The following TET3 variants were observed in gnomAD, a reference collection of about 807,000 sequenced individuals.
TET3 encodes methylcytosine dioxygenase TET3.
In TET3, 19 loss-of-function variants were observed where a neutral mutation model predicts 141.4. The ratio of observed to expected loss-of-function variants is 0.13; its 90% CI spans 0.09 to 0.20. TET3 has a LOEUF of 0.20. Ranked by LOEUF, TET3 falls within the 10% of genes least tolerant of loss-of-function variation. The probability of loss-of-function intolerance (pLI) is 1.00; values close to 1 mark genes in which losing one functional copy is unlikely to be tolerated. For synonymous variants in TET3, 1,043 were observed against 980.9 expected (o/e 1.06, Z -1.18); for missense variants, 1,874 against 2,356.9 (o/e 0.80, Z 4.24).
At chr2:74,041,871 G>A (rs1253430266) in intron 3 of TET3, among the ~76,000 whole-genome samples, 1 of 152,122 alleles carries the variant, frequency 6.6e-6, no homozygotes, top group Admixed American at 6.5e-5. Flanking sequence ...CACAGATGTG[G>A]CTTGGGGCCT....
rs1690253515 is a variant in TET3 at position 74,087,972 on chromosome 2, A to G, written c.2822A>G (p.Gln941Arg). 7 of 1,558,944 alleles carry G rather than the reference A, an allele frequency of 4.5e-6. No homozygotes were observed. Among genetic ancestry groups the G allele is most frequent in the Non-Finnish European group, 6.1e-6 (7 of 1,151,346 alleles). ...IPRSLGDTLY[Q>R]ELTDTLRKYG... ...CGTAGCCTCGGAGACACCCTCTACC[A>G]GGAGCTCACCGACACCCTCCGGAAG... The change falls in exon 7 of 12, where the codon CAG becomes CGG. Residue 941 changes from glutamine to arginine, a missense_variant. Gln to Arg is a conservative substitution (Grantham distance 43, BLOSUM62 1). Around this residue, in one of 10 missense-constraint regions of TET3, gnomAD observed 126 missense variants for 327.4 expected, o/e 0.38. Transcript: ENST00000409262. The surrounding 1 kb of genome is among the most constrained non-coding windows in gnomAD (Gnocchi z 4.3).
intron 3 of TET3, among the ~76,000 whole-genome samples, chr2:74,036,886 T>C (rs562533576): frequency 2.0e-5 from 3 of 152,306 alleles, no homozygotes; most frequent in Admixed American, 1.3e-4. Flanking sequence ...TCAGCTTTTT[T>C]CTAAGTATCA....
At chr2:74,128,108 C>T in the TET3 span, among the ~76,000 whole-genome samples, 28 of 152,306 alleles carry the variant, frequency 1.8e-4, no homozygotes, top group African/African-American at 6.7e-4. Flanking sequence ...CCAAACCTCA[C>T]CTCAAACAGT....
chr2:74,132,088 T>C, the TET3 span, among the ~76,000 whole-genome samples: 1 of 152,172 alleles, frequency 6.6e-6, no homozygotes. Context: ...ACTTATCTTT[T>C]CCTCCAGTCA....
intron 4 of TET3, among the ~76,000 whole-genome samples, chr2:74,060,577 G>T (rs1411876422): frequency 2.0e-5 from 3 of 151,850 alleles, no homozygotes; most frequent in African/African-American, 7.3e-5. Flanking sequence ...CGCAGAGGGG[G>T]ATTTGGCAGG....
chr2:74,072,479 T>A (rs1689265685), intron 4 of TET3, among the ~76,000 whole-genome samples: 1 of 148,362 alleles, frequency 6.7e-6, no homozygotes, highest in Non-Finnish European at 1.5e-5. Flanking sequence ...GCCATTGCAC[T>A]CCAGCCTGGG....
intron 5 of TET3, among the ~76,000 whole-genome samples, chr2:74,079,982 G>C (rs1689715047): frequency 6.6e-6 from 1 of 152,202 alleles, no homozygotes; most frequent in South Asian, 2.1e-4. Context: ...GGGAACCTCA[G>C]AGCTGGCGTT....
intron 4 of TET3, among the ~76,000 whole-genome samples, chr2:74,061,607 A>C (rs1688577205): frequency 1.6e-5 from 2 of 126,698 alleles, no homozygotes; most frequent in African/African-American, 3.1e-5. Flanking sequence ...GACCCCCCCC[A>C]CCTCCCTCCC....
chr2:74,034,964 A>G (rs12328927), intron 3 of TET3, among the ~76,000 whole-genome samples: 51,082 of 150,186 alleles, frequency 0.34, 9,726 homozygotes, highest in African/African-American at 0.51. Context: ...GGCTGAGGCA[A>G]GCAGATCACG....
intron 3 of TET3, among the ~76,000 whole-genome samples, chr2:74,039,812 T>C (rs1687250487): frequency 6.6e-6 from 1 of 152,156 alleles, no homozygotes; most frequent in Admixed American, 6.5e-5. Context: ...ATGTGGCCTC[T>C]CCACATGGCC....
intron 4 of TET3, among the ~76,000 whole-genome samples, chr2:74,056,843 C>G (rs1024465067): frequency 3.9e-5 from 6 of 152,180 alleles, no homozygotes; most frequent in African/African-American, 1.4e-4. Flanking sequence ...CTCTCTGCCA[C>G]TTTGAGATCA....
the TET3 span, among the ~76,000 whole-genome samples, chr2:74,125,365 G>C: frequency 1.7e-3 from 256 of 152,294 alleles, no homozygotes; most frequent in Middle Eastern, 6.8e-3. Context: ...TGGCTGGATG[G>C]ATAACACCAT....
chr2:74,014,372 G>A (rs916614239), intron 3 of TET3, among the ~76,000 whole-genome samples: 2 of 151,958 alleles, frequency 1.3e-5, no homozygotes, highest in Non-Finnish European at 2.9e-5. Context: ...TGAGAATTCC[G>A]AGCCCCGATT....
At chr2:74,113,964 G>A in the TET3 span, among the ~76,000 whole-genome samples, 1 of 152,052 alleles carries the variant, frequency 6.6e-6, no homozygotes, top group Non-Finnish European at 1.5e-5. Context: ...CCTAAAATTT[G>A]TATGAAACTA....
chr2:74,020,809 C>T (rs1012201942), intron 3 of TET3, among the ~76,000 whole-genome samples: 1 of 152,212 alleles, frequency 6.6e-6, no homozygotes, highest in South Asian at 2.1e-4. Flanking sequence ...GGAGTGAGGA[C>T]GTGAGCTGAT....
At chr2:74,057,161 C>A (rs1161095534) in intron 4 of TET3, among the ~76,000 whole-genome samples, 1 of 152,206 alleles carries the variant, frequency 6.6e-6, no homozygotes, top group African/African-American at 2.4e-5. Context: ...AAAATATATG[C>A]TGAACCACCA....
At chr2:74,000,956 C>T (rs1289918109) in intron 2 of TET3, among the ~76,000 whole-genome samples, 1 of 152,086 alleles carries the variant, frequency 6.6e-6, no homozygotes, top group Non-Finnish European at 1.5e-5. Flanking sequence ...CTCTCCTATC[C>T]AGCAGCAGAC....
intron 4 of TET3, among the ~76,000 whole-genome samples, chr2:74,056,280 T>C (rs986133267): frequency 1.3e-5 from 2 of 152,218 alleles, no homozygotes; most frequent in African/African-American, 4.8e-5. Flanking sequence ...AAATTAAGCA[T>C]CTCTCTTTCT....
chr2:74,017,961 CTTTTTTTTTTT>C (rs35319685), intron 3 of TET3, among the ~76,000 whole-genome samples: 2 of 97,232 alleles, frequency 2.1e-5, no homozygotes, highest in Admixed American at 2.3e-4. Flanking sequence ...TCTTCTGTCT[CTTTTTTTTTTT>C]TTTTTTTTTT....
Sources: gnomAD v4.1 joint callset for allele counts (sites outside exome capture counted in the v4.1 genomes callset) on GRCh38, gnomAD v4.1.1 for gene constraint, gnomAD v4.1.1 regional missense constraint, Gnocchi (gnomAD v3.1) non-coding constraint, MANE v1.5 for transcripts, NCBI Gene and HGNC (gene_info 2026-07-23, HGNC 2026-07-21) for gene names.